Variants in STIL observed in about 807,000 individuals in gnomAD.
STIL encodes STIL centriolar assembly protein.
In STIL, 55 loss-of-function variants were observed where a neutral mutation model predicts 110.1. The ratio of observed to expected loss-of-function variants is 0.50; its 90% CI spans 0.40 to 0.63. STIL has a LOEUF of 0.63. Ranked by LOEUF, STIL falls within the 20% of genes least tolerant of loss-of-function variation. The pLI, the probability that STIL is intolerant of heterozygous loss-of-function variation, is 0.00. For missense variants in STIL, 1,358 were observed against 1,530.0 expected, an observed-to-expected ratio of 0.89 and a Z score of 1.87; for synonymous variants, 481 against 530.0, an observed-to-expected ratio of 0.91 and a Z score of 1.27.
At chr1:47,270,255 T>TATATACACAC (rs775684329) in intron 13 of STIL, among the ~76,000 whole-genome samples, 33 of 119,414 alleles carry the variant, frequency 2.8e-4, no homozygotes, top group African/African-American at 9.5e-4. Context: ...TATATATATA[T>TATATACACAC]ACACACACAC....
intron 12 of STIL, among the ~76,000 whole-genome samples, chr1:47,273,901 A>G (rs1644911659): frequency 1.3e-5 from 2 of 152,218 alleles, no homozygotes; most frequent in Admixed American, 6.5e-5. Context: ...ATGTGTATTT[A>G]TAGTGGTTTG....
chr1:47,304,093 A>G (rs928600525), intron 3 of STIL, among the ~76,000 whole-genome samples: 5 of 152,052 alleles, frequency 3.3e-5, no homozygotes, highest in Non-Finnish European at 7.4e-5. Flanking sequence ...GGTTGCATAA[A>G]TAAGTACTAG....
chr1:47,284,669 C>T (rs895262245), intron 10 of STIL, among the ~76,000 whole-genome samples: 1 of 152,092 alleles, frequency 6.6e-6, no homozygotes, highest in Non-Finnish European at 1.5e-5. Context: ...GTGGGTGGAT[C>T]ATTTGAGGTC....
At chr1:47,261,952 C>T (rs1239610349) in intron 15 of STIL, among the ~76,000 whole-genome samples, 1 of 151,306 alleles carries the variant, frequency 6.6e-6, no homozygotes, top group Non-Finnish European at 1.5e-5. Flanking sequence ...CAAGTATTTT[C>T]GAGGACTTAT....
In STIL at chr1:47,302,220, T is replaced by A. The variant is rs772413402; in HGVS notation, c.265+14A>T. The A allele has an allele frequency of 5.0e-6, 8 of 1,594,418 alleles. No homozygotes were observed. The highest frequency in any genetic ancestry group is 6.9e-6 in the Non-Finnish European group (8 of 1,162,432). On this transcript the variant is annotated intron_variant, in intron 4 of 16. Transcript: ENST00000371877. ...ACAGGCGTGAGCACTGGTCCATTTT[T>A]AAAAGTGTATTACCTTCGTCTGCTG...
chr1:47,306,071 T>G (rs1168417234), intron 2 of STIL, among the ~76,000 whole-genome samples: 1 of 152,104 alleles, frequency 6.6e-6, no homozygotes, highest in Non-Finnish European at 1.5e-5. Context: ...CTTGTAACTC[T>G]ACTACCAGGA....
rs200980014 is a variant in STIL at position 47,306,805 on chromosome 1, C to CA, written c.45-1810dup. Among the ~76,000 whole-genome samples, 800 of 152,250 alleles carry CA rather than the reference C, an allele frequency of 5.3e-3. 8 individuals carry two copies. Among genetic ancestry groups the CA allele is most frequent in the Admixed American group, 0.027 (419 of 15,268 alleles). On this transcript the variant is annotated intron_variant, in intron 2 of 16. Coordinates refer to ENST00000371877, the MANE Select transcript of STIL (RefSeq NM_001048166.1). ...GATATTAAATCATATAGGGTACCAT[C>CA]AAAAACTTTTCATTTTACATGAGTG...
rs746522203 is a variant in STIL, at chr1:47,251,449, TCA to T, written c.3552_3553del (p.Cys1184Ter). ...CGTATCTGCGTTGGTCCCCACAGAT[TCA>T]CAGTTAGAACAATTAATTATTTCAT... On this transcript the variant is annotated stop_gained and frameshift_variant, in exon 17 of 17. Coordinates refer to ENST00000371877, the MANE Select transcript of STIL (RefSeq NM_001048166.1). LOFTEE classifies it high-confidence loss of function. The T allele has an allele frequency of 3.1e-6, 5 of 1,614,216 alleles. No homozygotes were observed. The highest frequency in any genetic ancestry group is 2.2e-5 in the South Asian group (2 of 91,082).
At chr1:47,289,614 T>C (rs1645417337) in intron 8 of STIL, 29 bp from the exon 9 acceptor site, 1 of 1,582,896 alleles carries the variant, frequency 6.3e-7, no homozygotes, top group African/African-American at 1.3e-5. Context: ...TTAATTAAAA[T>C]TTAATGAGGA....
At chr1:47,286,035 C>G (rs912652085) in intron 10 of STIL, among the ~76,000 whole-genome samples, 2 of 151,536 alleles carry the variant, frequency 1.3e-5, no homozygotes, top group East Asian at 3.9e-4. Context: ...CCAGTGCGTC[C>G]GGCTAATTTT....
intron 16 of STIL, among the ~76,000 whole-genome samples, chr1:47,258,166 GGGGAA>G (rs1644377436): frequency 6.6e-6 from 1 of 152,220 alleles, no homozygotes; most frequent in Admixed American, 6.5e-5. Context: ...TCTGACAAGA[GGGGAA>G]GGGTTAGGAT....
intron 16 of STIL, among the ~76,000 whole-genome samples, chr1:47,257,196 T>A (rs1426247403): frequency 6.6e-6 from 1 of 152,166 alleles, no homozygotes; most frequent in Non-Finnish European, 1.5e-5. Context: ...AAAACTAAGT[T>A]TAAGTCAAAC....
intron 10 of STIL, among the ~76,000 whole-genome samples, chr1:47,284,677 G>A (rs1645242348): frequency 6.6e-6 from 1 of 152,114 alleles, no homozygotes; most frequent in Non-Finnish European, 1.5e-5. Flanking sequence ...ATCATTTGAG[G>A]TCAGGAGTTC....
chr1:47,310,004 A>G (rs574636518), intron 2 of STIL, among the ~76,000 whole-genome samples: 7 of 152,350 alleles, frequency 4.6e-5, no homozygotes, highest in African/African-American at 1.4e-4. Flanking sequence ...CTGAGTGCCT[A>G]TTACATACTA....
At chr1:47,307,366 T>G (rs1307883872) in intron 2 of STIL, among the ~76,000 whole-genome samples, 1 of 152,216 alleles carries the variant, frequency 6.6e-6, no homozygotes, top group Non-Finnish European at 1.5e-5. Context: ...AAGCCATGAC[T>G]GAAGGACGTG....
At chr1:47,256,000 G>T (rs1305718353) in intron 16 of STIL, among the ~76,000 whole-genome samples, 2 of 152,182 alleles carry the variant, frequency 1.3e-5, no homozygotes, top group Non-Finnish European at 2.9e-5. Context: ...CTGATTTACA[G>T]AGCTAGAGGA....
At chr1:47,301,867 AATACTAAACTAAACTCTTAC>A in intron 4 of STIL, 119 bp from the exon 5 acceptor site, 1 of 899,722 alleles carries the variant, frequency 1.1e-6, no homozygotes, top group South Asian at 1.5e-5. Context: ...TAAACTCTTA[AATACTAAACTAAACTCTTAC>A]AGTAAACTAA....
rs1185003413 is a variant in STIL at position 47,251,427 on chromosome 1, A to G, written c.3576T>C (p.Asp1192=). The change falls in exon 17 of 17, where the codon GAT becomes GAC. Residue 1192 remains aspartate (D), a synonymous_variant. Coordinates refer to ENST00000371877, the MANE Select transcript of STIL (RefSeq NM_001048166.1). ...SNCESVGTNA[D]TPVLRNITNE... ...TTGTAATATTTCTCAATACTGGCGT[A>G]TCTGCGTTGGTCCCCACAGATTCAC... 1 of 1,614,096 alleles carries G rather than the reference A, an allele frequency of 6.2e-7. No homozygotes were observed. Among genetic ancestry groups the G allele is most frequent in the African/African-American group, 1.3e-5 (1 of 74,938 alleles).
At chr1:47,287,748 T>A in intron 9 of STIL, 88 bp from the exon 10 acceptor site, 1 of 1,009,206 alleles carries the variant, frequency 9.9e-7, no homozygotes, top group Non-Finnish European at 1.5e-6. Flanking sequence ...TCTGAAACAC[T>A]AGATGATGGA....
Sources: gnomAD v4.1 joint callset for allele counts (sites outside exome capture counted in the v4.1 genomes callset) on GRCh38, gnomAD v4.1.1 for gene constraint, MANE v1.5 for transcripts, NCBI Gene and HGNC (gene_info 2026-07-23, HGNC 2026-07-21) for gene names.